The following GADL1 variants were observed in gnomAD, a reference collection of about 807,000 sequenced individuals.
GADL1 encodes acidic amino acid decarboxylase GADL1.
Under a neutral mutation model 69.5 loss-of-function variants are expected in GADL1, and 71 were observed. That is an observed-to-expected ratio of 1.02 (90% CI 0.84 to 1.25). GADL1 has a LOEUF of 1.25. GADL1 is among the 50% of genes most tolerant of loss of function. GADL1 has a pLI of 0.00. For missense variants in GADL1, 737 were observed against 631.8 expected, an observed-to-expected ratio of 1.17 and a Z score of -1.79; for synonymous variants, 254 against 214.4, an observed-to-expected ratio of 1.18 and a Z score of -1.62.
chr3:30,859,198 A>AGG (rs1270873116), intron 2 of GADL1, among the ~76,000 whole-genome samples: 2 of 151,868 alleles, frequency 1.3e-5, no homozygotes, highest in Non-Finnish European at 2.9e-5. Flanking sequence ...GGAGAGAGAT[A>AGG]GGGAAGTAGC....
intron 11 of GADL1, among the ~76,000 whole-genome samples, chr3:30,828,813 G>A (rs905712022): frequency 7.9e-5 from 12 of 151,850 alleles, no homozygotes; most frequent in African/African-American, 2.9e-4. Context: ...CTGCTCATGA[G>A]AATGTAAATG....
At chr3:30,796,316 T>A (rs528024660) in intron 12 of GADL1, among the ~76,000 whole-genome samples, 1 of 152,240 alleles carries the variant, frequency 6.6e-6, no homozygotes, top group African/African-American at 2.4e-5. Context: ...GACTGTCTTG[T>A]TTTTTCACCA....
chr3:30,764,278 C>T (rs907381993), intron 14 of GADL1, among the ~76,000 whole-genome samples: 2 of 152,094 alleles, frequency 1.3e-5, no homozygotes, highest in Admixed American at 6.5e-5. Context: ...AGAAGATACA[C>T]AGTAGAAACT....
intron 1 of GADL1, among the ~76,000 whole-genome samples, chr3:30,882,730 C>A (rs1021234903): frequency 6.6e-6 from 1 of 151,816 alleles, no homozygotes; most frequent in African/African-American, 2.4e-5. Context: ...TTTGATTTTT[C>A]ATTTTAATGC....
At chr3:30,822,430 C>T (rs1405356586) in intron 11 of GADL1, among the ~76,000 whole-genome samples, 1 of 151,828 alleles carries the variant, frequency 6.6e-6, no homozygotes, top group South Asian at 2.1e-4. Flanking sequence ...TAATGATGGC[C>T]GTGATTAAAG....
At chr3:30,741,067 T>G (rs1477894874) in intron 14 of GADL1, among the ~76,000 whole-genome samples, 1 of 124,312 alleles carries the variant, frequency 8.0e-6, no homozygotes, top group Admixed American at 8.6e-5. Context: ...TATAAATGTT[T>G]GTATAAATAT....
chr3:30,784,154 T>C (rs576926267), intron 13 of GADL1, among the ~76,000 whole-genome samples: 109 of 152,348 alleles, frequency 7.2e-4, no homozygotes, highest in African/African-American at 2.4e-3. Context: ...CTTACATGTT[T>C]ATAATGCCAT....
At chr3:30,793,881 T>C (rs1696973451) in intron 12 of GADL1, among the ~76,000 whole-genome samples, 1 of 152,196 alleles carries the variant, frequency 6.6e-6, no homozygotes, top group South Asian at 2.1e-4. Context: ...TCTCTTCTGA[T>C]GCATTGAGCC....
chr3:30,808,003 G>T (rs887320495), intron 11 of GADL1, among the ~76,000 whole-genome samples: 3 of 152,166 alleles, frequency 2.0e-5, no homozygotes, highest in African/African-American at 7.2e-5. Context: ...CTGCACTCCA[G>T]CCTGGGCAAC....
chr3:30,871,753 C>A (rs1698485132), intron 1 of GADL1, among the ~76,000 whole-genome samples: 1 of 151,728 alleles, frequency 6.6e-6, no homozygotes, highest in Non-Finnish European at 1.5e-5. Context: ...CCCCACAAAC[C>A]AAAGAGCCAG....
At chr3:30,832,977 GT>G (rs1697816997) in intron 11 of GADL1, among the ~76,000 whole-genome samples, 1 of 151,890 alleles carries the variant, frequency 6.6e-6, no homozygotes, top group South Asian at 2.1e-4. Flanking sequence ...TCTTTAAAAA[GT>G]TGTAAATAGC....
chr3:30,858,037 C>T (rs1698256491), intron 2 of GADL1, among the ~76,000 whole-genome samples: 1 of 152,032 alleles, frequency 6.6e-6, no homozygotes, highest in East Asian at 1.9e-4. Context: ...TACCCATTAC[C>T]TCTATCAATC....
At chr3:30,823,233 C>T (rs1161581518) in intron 11 of GADL1, among the ~76,000 whole-genome samples, 1 of 148,752 alleles carries the variant, frequency 6.7e-6, no homozygotes, top group Non-Finnish European at 1.5e-5. Flanking sequence ...GGAGGACAGC[C>T]AAGACAAGAA....
intron 14 of GADL1, among the ~76,000 whole-genome samples, chr3:30,741,021 A>ATTAATATATATTATATAATATATT (rs1448117660): frequency 3.4e-5 from 3 of 87,628 alleles, no homozygotes; most frequent in African/African-American, 2.6e-4. Flanking sequence ...TATATTATAT[A>ATTAATATATATTATATAATATATT]ATATATTATA....
intron 10 of GADL1, 127 bp from the exon 11 acceptor site, chr3:30,834,061 T>C: frequency 1.1e-6 from 1 of 903,670 alleles, no homozygotes; most frequent in Non-Finnish European, 1.8e-6. Flanking sequence ...TAGAACTCCT[T>C]ATCTGAGTGG....
At chr3:30,760,052 T>TA (rs1398409618) in intron 14 of GADL1, among the ~76,000 whole-genome samples, 1 of 152,192 alleles carries the variant, frequency 6.6e-6, no homozygotes, top group Non-Finnish European at 1.5e-5. Context: ...TAAATGCTTA[T>TA]TGTCTCATAT....
intron 12 of GADL1, 23 bp downstream of exon 12, chr3:30,800,865 AG>A (rs1697147404): frequency 6.4e-7 from 1 of 1,556,164 alleles, no homozygotes; most frequent in African/African-American, 1.4e-5. Context: ...AGAGAGAGAG[AG>A]AGAGAGAGAG....
At chr3:30,736,621 G>T (rs78798077) in intron 14 of GADL1, among the ~76,000 whole-genome samples, 1,674 of 152,148 alleles carry the variant, frequency 0.011, 34 homozygotes, top group African/African-American at 0.037. Context: ...TTTTCTCCCC[G>T]AAGTGTCTAA....
At chr3:30,796,706 G>C (rs1697039923) in intron 12 of GADL1, among the ~76,000 whole-genome samples, 1 of 152,158 alleles carries the variant, frequency 6.6e-6, no homozygotes, top group Non-Finnish European at 1.5e-5. Context: ...ACTGAGGACT[G>C]CTGATACTGT....
Sources: allele counts gnomAD v4.1 joint callset (sites outside exome capture counted in the v4.1 genomes callset), GRCh38; gene constraint gnomAD v4.1.1; transcripts MANE v1.5; gene names NCBI Gene and HGNC (gene_info 2026-07-23, HGNC 2026-07-21).